The following PKP2 variants were observed in gnomAD, a reference collection of about 807,000 sequenced individuals.
PKP2 encodes the protein plakophilin-2.
In PKP2, 73 loss-of-function variants were observed where a neutral mutation model predicts 83.4. The observed-to-expected ratio is 0.88, with a 90% CI of 0.72 to 1.06. PKP2 has a LOEUF of 1.06. PKP2 is among the 50% of genes least tolerant of loss of function. The pLI is 0.00. For missense variants in PKP2, 966 were observed against 1,065.4 expected (o/e 0.91, Z 1.30); for synonymous variants, 409 against 430.4 (o/e 0.95, Z 0.62).
At chr12:32,881,280 G>C (rs976257798) in intron 1 of PKP2, among the ~76,000 whole-genome samples, 2 of 152,178 alleles carry the variant, frequency 1.3e-5, no homozygotes, top group Non-Finnish European at 2.9e-5. Context: ...CTAGAGACAA[G>C]AGCAGTTGAG....
At chr12:32,825,230 G>A (rs1463975990) in intron 6 of PKP2, among the ~76,000 whole-genome samples, 2 of 141,086 alleles carry the variant, frequency 1.4e-5, no homozygotes, top group East Asian at 2.3e-4. Flanking sequence ...GTGCAGTGGC[G>A]CGATCTCGGC....
rs1060504159 is a variant in PKP2, at chr12:32,878,109, C to T, written c.771G>A (p.Glu257=). 3.7e-6 allele frequency: 6 copies of T among 1,614,252 alleles called. No homozygotes were observed. The highest frequency in any genetic ancestry group is 4.2e-6 in the Non-Finnish European group (5 of 1,180,044). ...GTSRSMGNLL[E]KENYLTAGLT... ...GCCCTGCCGTCAGGTAGTTCTCCTT[C>T]TCCAAGAGGTTGCCCATGCTGCGGC... Residue 257 remains glutamate, a synonymous_variant, in exon 3 of 13, where the codon GAG becomes GAA. Transcript: ENST00000340811.
chr12:32,841,255 T>A (rs1317152819), intron 5 of PKP2, 50 bp from the exon 6 acceptor site: 3 of 1,504,180 alleles, frequency 2.0e-6, no homozygotes, highest in Non-Finnish European at 2.8e-6. Context: ...GGGACCAAAA[T>A]GACCGCTGAA....
intron 6 of PKP2, among the ~76,000 whole-genome samples, chr12:32,837,353 T>TC (rs1208744795): frequency 6.6e-6 from 1 of 152,144 alleles, no homozygotes; most frequent in African/African-American, 2.4e-5. Flanking sequence ...TCACTCAACC[T>TC]CTCTGAGGCT....
chr12:32,819,395 A>G (rs1011764532), intron 9 of PKP2, among the ~76,000 whole-genome samples: 3 of 152,174 alleles, frequency 2.0e-5, no homozygotes, highest in Admixed American at 1.3e-4. Context: ...TCTCTTATAA[A>G]TCTCCAATCA....
At chr12:32,841,665 C>T (rs1290588917) in intron 5 of PKP2, among the ~76,000 whole-genome samples, 1 of 152,170 alleles carries the variant, frequency 6.6e-6, no homozygotes, top group African/African-American at 2.4e-5. Flanking sequence ...TCCCTGCCTC[C>T]TTCCCCACTA....
intron 3 of PKP2, among the ~76,000 whole-genome samples, chr12:32,877,004 T>A (rs550245944): frequency 1.3e-5 from 2 of 152,358 alleles, no homozygotes; most frequent in South Asian, 4.1e-4. Context: ...TCAGTGAGCA[T>A]GCTGTACAAT....
chr12:32,893,556 T>G (rs1031924344), intron 1 of PKP2: 1 of 152,232 alleles, frequency 6.6e-6, no homozygotes. Context: ...AAGCTGAGGC[T>G]TTAAAGTAAG....
At position 32,874,094 on chromosome 12, in the gene PKP2, G is replaced by C. The variant is rs376044990; in HGVS notation, c.1034+3752C>G. 2.6e-5 allele frequency among the ~76,000 whole-genome samples: 4 copies of C among 152,232 alleles called. No individual in the cohort carries two copies. In the East Asian group the frequency reaches 5.8e-4, roughly 22 times the overall value. ...CAGCCATTCTTCTTTTGGAAAGCCA[G>C]GTCCATTGTTTAATACCTTAAGTCA... is the stretch of plus-strand genomic sequence containing the variant. On this transcript the variant is annotated intron_variant, in intron 3 of 12. Transcript: ENST00000340811.
intron 3 of PKP2, among the ~76,000 whole-genome samples, chr12:32,871,049 C>T (rs1956892215): frequency 6.6e-6 from 1 of 152,098 alleles, no homozygotes; most frequent in African/African-American, 2.4e-5. Flanking sequence ...GACTATCTAT[C>T]AAGTCCAACT....
At chr12:32,794,848 C>T (rs1956106473) in intron 11 of PKP2, among the ~76,000 whole-genome samples, 1 of 152,168 alleles carries the variant, frequency 6.6e-6, no homozygotes. Flanking sequence ...TAAATGCAGT[C>T]TTCCTTCCTT....
At chr12:32,850,245 C>T (rs1014887316) in intron 5 of PKP2, among the ~76,000 whole-genome samples, 3 of 152,128 alleles carry the variant, frequency 2.0e-5, no homozygotes, top group Admixed American at 6.5e-5. Context: ...ACATTTTCCC[C>T]TTTAGAAAAA....
At chr12:32,797,630 T>A (rs1011328166) in intron 10 of PKP2, among the ~76,000 whole-genome samples, 54 of 149,762 alleles carry the variant, frequency 3.6e-4, no homozygotes, top group Admixed American at 2.5e-3. Flanking sequence ...ATCTCGGCTC[T>A]CTGCAAGCTC....
At chr12:32,869,361 G>A (rs931574044) in intron 3 of PKP2, among the ~76,000 whole-genome samples, 2 of 152,072 alleles carry the variant, frequency 1.3e-5, no homozygotes, top group Non-Finnish European at 2.9e-5. Context: ...GAGGTGGGCG[G>A]ATCACTTGAG....
At chr12:32,837,661 G>C (rs1190346216) in intron 6 of PKP2, among the ~76,000 whole-genome samples, 1 of 152,142 alleles carries the variant, frequency 6.6e-6, no homozygotes, top group African/African-American at 2.4e-5. Context: ...TATTCTGACT[G>C]GAGTGTATTC....
chr12:32,829,979 T>C (rs374998342), intron 6 of PKP2, among the ~76,000 whole-genome samples: 49 of 152,176 alleles, frequency 3.2e-4, no homozygotes, highest in African/African-American at 1.2e-3. Context: ...GTCTTGAAGT[T>C]CTAATCAGCA....
intron 1 of PKP2, among the ~76,000 whole-genome samples, chr12:32,883,979 C>T (rs776025107): frequency 6.6e-6 from 1 of 152,196 alleles, no homozygotes; most frequent in Non-Finnish European, 1.5e-5. Context: ...TAAAATCAAG[C>T]TGACCTTCCT....
At chr12:32,835,351 C>G (rs1956535777) in intron 6 of PKP2, among the ~76,000 whole-genome samples, 1 of 152,044 alleles carries the variant, frequency 6.6e-6, no homozygotes, top group African/African-American at 2.4e-5. Flanking sequence ...CCGTGCCCGG[C>G]CTACTTTTGG....
At chr12:32,864,346 GTAAA>G (rs1565594680) in intron 4 of PKP2, among the ~76,000 whole-genome samples, 1 of 146,146 alleles carries the variant, frequency 6.8e-6, no homozygotes, top group African/African-American at 2.5e-5. Context: ...ACATACACAC[GTAAA>G]TATATATATT....
Sources: allele counts gnomAD v4.1 joint callset (sites outside exome capture counted in the v4.1 genomes callset), GRCh38; gene constraint gnomAD v4.1.1; transcripts MANE v1.5; gene names NCBI Gene and HGNC (gene_info 2026-07-23, HGNC 2026-07-21).